The following FAAH2 variants were observed in gnomAD, a reference collection of about 807,000 sequenced individuals.
The protein encoded by FAAH2 is fatty acid amide hydrolase 2.
A neutral mutation model predicts 36.9 loss-of-function variants in FAAH2; 60 were observed. That is an observed-to-expected ratio of 1.63 (90% confidence interval 1.32 to 2.02). The LOEUF (loss-of-function observed/expected upper bound fraction) is 2.02. Among genes scored for constraint, FAAH2 ranks in the 30% most tolerant of loss-of-function variants. FAAH2 has a pLI of 0.00. For synonymous variants in FAAH2, 214 were observed against 143.8 expected (o/e 1.49, Z -3.49); for missense variants, 689 against 397.5 (o/e 1.73, Z -6.23).
chrX:57,358,735 C>A (rs1056585629), intron 5 of FAAH2, among the ~76,000 whole-genome samples: 1 of 111,303 alleles, frequency 9.0e-6, no homozygotes, highest in Admixed American at 9.6e-5. Context: ...GGATAAATAT[C>A]TAGAAGTGAG....
chrX:57,242,832 T>A, the FAAH2 span, among the ~76,000 whole-genome samples: 1 of 112,260 alleles, frequency 8.9e-6, no homozygotes. Context: ...ACTGGGCATC[T>A]GTGTGGGCAG....
At chrX:57,301,679 T>C (rs990970253) in intron 2 of FAAH2, among the ~76,000 whole-genome samples, 1 of 109,947 alleles carries the variant, frequency 9.1e-6, no homozygotes, top group African/African-American at 3.3e-5. Context: ...AATAAAAAAA[T>C]GTGGCATATA....
intron 5 of FAAH2, among the ~76,000 whole-genome samples, chrX:57,351,050 A>G (rs1258385277): frequency 1.8e-5 from 2 of 111,609 alleles, no homozygotes; most frequent in Non-Finnish European, 3.8e-5. Context: ...CTTTTCATCA[A>G]CACATCGAAC....
At chrX:57,349,424 C>CAT (rs761907551) in intron 5 of FAAH2, among the ~76,000 whole-genome samples, 1 of 91,947 alleles carries the variant, frequency 1.1e-5, no homozygotes, top group Non-Finnish European at 2.1e-5. Flanking sequence ...CACATATATA[C>CAT]ATATATATAC....
intron 4 of FAAH2, among the ~76,000 whole-genome samples, chrX:57,337,433 A>G (rs2053581414): frequency 9.0e-6 from 1 of 111,406 alleles, no homozygotes; most frequent in African/African-American, 3.3e-5. Context: ...TGATAAGAAA[A>G]CCTGGCAGAG....
chrX:57,210,037 G>A, the FAAH2 span, among the ~76,000 whole-genome samples: 1 of 110,388 alleles, frequency 9.1e-6, no homozygotes, highest in East Asian at 2.8e-4. Context: ...TGCTGCCCCT[G>A]CCAGGGGTGA....
chrX:57,163,314 T>G, the FAAH2 span, among the ~76,000 whole-genome samples: 2 of 112,088 alleles, frequency 1.8e-5, no homozygotes, highest in East Asian at 2.8e-4. Context: ...CTGTCTTTTT[T>G]TTTGTCTGTG....
At chrX:57,383,518 T>G (rs2054917257) in intron 7 of FAAH2, among the ~76,000 whole-genome samples, 1 of 111,686 alleles carries the variant, frequency 9.0e-6, no homozygotes, top group Non-Finnish European at 1.9e-5. Flanking sequence ...ACAAGCATTC[T>G]TATACACCAG....
At chrX:57,296,500 GA>G (rs780145958) in intron 2 of FAAH2, among the ~76,000 whole-genome samples, 15 of 111,203 alleles carry the variant, frequency 1.3e-4, no homozygotes, top group Admixed American at 1.1e-3. Flanking sequence ...CAAAGTTGGG[GA>G]AAAAAACAGA....
chrX:57,287,796 G>A (rs1177843006), intron 1 of FAAH2, among the ~76,000 whole-genome samples: 1 of 111,372 alleles, frequency 9.0e-6, no homozygotes, highest in Non-Finnish European at 1.9e-5. Context: ...CCTCTCTGCT[G>A]TTTCATTTGT....
At chrX:57,176,696 G>A in the FAAH2 span, among the ~76,000 whole-genome samples, 4 of 111,630 alleles carry the variant, frequency 3.6e-5, no homozygotes, top group Non-Finnish European at 7.5e-5. Context: ...TCTCACTTGG[G>A]TAGTCTATTT....
At chrX:57,162,534 G>T in the FAAH2 span, among the ~76,000 whole-genome samples, 2 of 111,340 alleles carry the variant, frequency 1.8e-5, no homozygotes, top group Non-Finnish European at 3.8e-5. Flanking sequence ...ACATAGTCCC[G>T]TATTTCTTGG....
At chrX:57,237,958 C>T in the FAAH2 span, among the ~76,000 whole-genome samples, 80 of 111,530 alleles carry the variant, frequency 7.2e-4, no homozygotes, top group Non-Finnish European at 8.1e-4. Flanking sequence ...GATACCATCT[C>T]ACACCAGTTA....
chrX:57,228,133 C>T, the FAAH2 span, among the ~76,000 whole-genome samples: 2 of 112,078 alleles, frequency 1.8e-5, no homozygotes, highest in South Asian at 3.8e-4. Flanking sequence ...ACTGGATTCG[C>T]GCCCTCCCCT....
At chrX:57,178,727 G>C in the FAAH2 span, among the ~76,000 whole-genome samples, 3 of 112,134 alleles carry the variant, frequency 2.7e-5, no homozygotes, top group Non-Finnish European at 5.6e-5. Context: ...ATGGGAAGCA[G>C]AGAGTAGCAG....
intron 10 of FAAH2, among the ~76,000 whole-genome samples, chrX:57,477,459 C>A (rs1349757536): frequency 9.0e-6 from 1 of 110,527 alleles, no homozygotes; most frequent in African/African-American, 3.3e-5. Context: ...TTTATACTTT[C>A]TTTTGTTTAT....
At chrX:57,243,311 C>T in the FAAH2 span, among the ~76,000 whole-genome samples, 3 of 111,871 alleles carry the variant, frequency 2.7e-5, no homozygotes, top group East Asian at 8.5e-4. Context: ...AAAGGGGTGG[C>T]TGTGGGCGCA....
chrX:57,158,605 T>C, the FAAH2 span, among the ~76,000 whole-genome samples: 1 of 112,598 alleles, frequency 8.9e-6, no homozygotes, highest in African/African-American at 3.2e-5. Flanking sequence ...CCAGTCATGA[T>C]GAGCACTTTT....
chrX:57,217,870 G>C, the FAAH2 span, among the ~76,000 whole-genome samples: 69 of 111,835 alleles, frequency 6.2e-4, no homozygotes, highest in Non-Finnish European at 1.1e-3. Flanking sequence ...ATTGCTTTTG[G>C]CAGTATGGTC....
Sources: gnomAD v4.1 joint callset for allele counts (sites outside exome capture counted in the v4.1 genomes callset) on GRCh38, gnomAD v4.1.1 for gene constraint, MANE v1.5 for transcripts, NCBI Gene and HGNC (gene_info 2026-07-23, HGNC 2026-07-21) for gene names.